Variants in CTNNA3 observed in about 807,000 individuals in gnomAD.
CTNNA3 encodes the protein catenin alpha 3.
CTNNA3 carries 76 observed loss-of-function variants against 95.7 expected under a neutral mutation model. The observed-to-expected ratio is 0.79, with a 90% CI of 0.66 to 0.96. CTNNA3 has a LOEUF of 0.96. CTNNA3 is among the 40% of genes least tolerant of loss of function. CTNNA3 has a pLI of 0.00. For synonymous variants in CTNNA3, 431 were observed against 374.4 expected, an observed-to-expected ratio of 1.15 and a Z score of -1.74; for missense variants, 1,191 against 1,089.8, an observed-to-expected ratio of 1.09 and a Z score of -1.31.
At chr10:67,104,475 TC>T (rs1858516055) in intron 7 of CTNNA3, among the ~76,000 whole-genome samples, 1 of 151,990 alleles carries the variant, frequency 6.6e-6, no homozygotes, top group African/African-American at 2.4e-5. Flanking sequence ...TTTCATTACT[TC>T]GTGGAGATGG....
At chr10:66,818,883 A>G (rs1842194511) in intron 7 of CTNNA3, among the ~76,000 whole-genome samples, 1 of 152,120 alleles carries the variant, frequency 6.6e-6, no homozygotes, top group Admixed American at 6.6e-5. Context: ...TGAGGCCAGG[A>G]GTTTGAGACC....
At chr10:65,985,709 C>A (rs558800424) in intron 16 of CTNNA3, among the ~76,000 whole-genome samples, 3 of 151,510 alleles carry the variant, frequency 2.0e-5, no homozygotes, top group South Asian at 2.1e-4. Context: ...CCTGTAAGAT[C>A]TGAAACAAGA....
intron 15 of CTNNA3, among the ~76,000 whole-genome samples, chr10:66,052,578 T>A (rs1035050358): frequency 6.6e-6 from 1 of 152,170 alleles, no homozygotes; most frequent in African/African-American, 2.4e-5. Context: ...AGCAAAAATT[T>A]ACTGTCTCTG....
chr10:66,186,702 A>AACTACTTGTGCAAACAATGT (rs1277909720), intron 13 of CTNNA3, among the ~76,000 whole-genome samples: 115 of 152,332 alleles, frequency 7.5e-4, no homozygotes, highest in South Asian at 5.6e-3. Flanking sequence ...GACATTTGTT[A>AACTACTTGTGCAAACAATGT]TTAACTACTT....
Position 66,520,672 on chromosome 10 carries a change from G to A in CTNNA3, c.1476C>T (p.Val492=), listed in dbSNP as rs182681928. The A allele has an allele frequency of 1.5e-5, 24 of 1,610,734 alleles. 1 individual carries two copies. In the African/African-American group the frequency reaches 2.5e-4, roughly 17 times the overall value. Reference sequence around the variant, plus strand: ...TAATGTCATCTACGGCTTCAGTGAGGACATGTATATGATTCTCCCATGTAC... The same window carrying A: ...TAATGTCATCTACGGCTTCAGTGAGAACATGTATATGATTCTCCCATGTAC... The part of the protein sequence containing the change: ...YKRTWENHIH[V]LTEAVDDITS... Residue 492 remains valine (V), a synonymous_variant, in exon 11 of 18, where the codon GTC becomes GTT. Transcript: ENST00000433211.
chr10:66,995,752 C>T (rs2132954175), intron 7 of CTNNA3, among the ~76,000 whole-genome samples: 1 of 152,250 alleles, frequency 6.6e-6, no homozygotes, highest in South Asian at 2.1e-4. Context: ...TTCAAATCTT[C>T]TCCCCTACTT....
chr10:67,259,517 G>A (rs1866503691), intron 5 of CTNNA3, among the ~76,000 whole-genome samples: 1 of 152,188 alleles, frequency 6.6e-6, no homozygotes, highest in Non-Finnish European at 1.5e-5. Context: ...TTACGCAGAA[G>A]CTTGGATCAC....
intron 5 of CTNNA3, among the ~76,000 whole-genome samples, chr10:67,231,107 C>T (rs564096653): frequency 1.3e-5 from 2 of 152,298 alleles, no homozygotes; most frequent in South Asian, 4.1e-4. Context: ...GAGGGGCGCC[C>T]GCCATTGCCC....
In CTNNA3 at chr10:67,742,411, T is replaced by A. The variant is rs1841345899; in HGVS notation, c.-2+21023A>T. ...CGCTCCTGAATGACTACTGGGTACA[T>A]AATGAAATGAAGGCAGAAACAAAGA... On this transcript the variant is annotated intron_variant, in intron 1 of 17. Transcript: ENST00000684154. Among the ~76,000 whole-genome samples, 4 of 151,172 alleles carry A rather than the reference T, an allele frequency of 2.6e-5. No homozygotes were observed. In the South Asian group the frequency reaches 8.5e-4, roughly 32 times the overall value.
intron 10 of CTNNA3, among the ~76,000 whole-genome samples, chr10:66,547,012 C>T (rs76453967): frequency 0.022 from 3,421 of 152,194 alleles, 118 homozygotes; most frequent in African/African-American, 0.078. Flanking sequence ...CTTGCTCTCT[C>T]TAGTTGTCCA....
chr10:66,791,787 C>A (rs920854095), intron 7 of CTNNA3, among the ~76,000 whole-genome samples: 1 of 152,122 alleles, frequency 6.6e-6, no homozygotes, highest in Non-Finnish European at 1.5e-5. Flanking sequence ...TTTAGATAGG[C>A]CTCCTTACAA....
intron 3 of CTNNA3, among the ~76,000 whole-genome samples, chr10:67,603,650 A>G (rs565831536): frequency 1.6e-4 from 25 of 152,214 alleles, no homozygotes; most frequent in Admixed American, 1.5e-3. Context: ...AAACTTATAG[A>G]ATAAGGACAT....
chr10:66,319,612 A>G (rs2092153997), intron 12 of CTNNA3, among the ~76,000 whole-genome samples: 1 of 152,154 alleles, frequency 6.6e-6, no homozygotes, highest in African/African-American at 2.4e-5. Context: ...AATCTAAAAG[A>G]ATCACAAAAT....
intron 7 of CTNNA3, among the ~76,000 whole-genome samples, chr10:66,946,829 C>G (rs778075784): frequency 1.3e-5 from 2 of 152,082 alleles, no homozygotes; most frequent in Non-Finnish European, 2.9e-5. Flanking sequence ...TACGTATGTA[C>G]TTGGAAGTTC....
intron 5 of CTNNA3, among the ~76,000 whole-genome samples, chr10:67,296,487 CG>C (rs1326785962): frequency 2.0e-5 from 3 of 152,260 alleles, no homozygotes; most frequent in Non-Finnish European, 4.4e-5. Flanking sequence ...AAAATGGCAG[CG>C]ATTTTAGAAG....
chr10:67,033,670 G>A (rs182164427), intron 7 of CTNNA3, among the ~76,000 whole-genome samples: 1 of 152,260 alleles, frequency 6.6e-6, no homozygotes, highest in Non-Finnish European at 1.5e-5. Flanking sequence ...ATTTTAAAGA[G>A]AAGAATACTG....
At chr10:66,074,327 ACTTTT>A (rs1296745479) in intron 14 of CTNNA3, among the ~76,000 whole-genome samples, 5 of 151,742 alleles carry the variant, frequency 3.3e-5, no homozygotes, top group African/African-American at 4.8e-5. Context: ...GTATTCTTGG[ACTTTT>A]CTTTAGGTGC....
chr10:67,644,364 C>T (rs566650138), intron 2 of CTNNA3, among the ~76,000 whole-genome samples: 74 of 152,036 alleles, frequency 4.9e-4, no homozygotes, highest in African/African-American at 1.4e-3. Context: ...ATCCTTCGTC[C>T]GCTTTTTGAT....
intron 12 of CTNNA3, among the ~76,000 whole-genome samples, chr10:66,302,688 G>GT (rs1564851289): frequency 1.3e-5 from 2 of 152,028 alleles, no homozygotes; most frequent in Non-Finnish European, 2.9e-5. Context: ...TGGTAGAAAG[G>GT]TATGTGGGCA....
Sources: allele counts gnomAD v4.1 joint callset (sites outside exome capture counted in the v4.1 genomes callset), GRCh38; gene constraint gnomAD v4.1.1; transcripts MANE v1.5; gene names NCBI Gene and HGNC (gene_info 2026-07-23, HGNC 2026-07-21).